Variants in NYAP2 observed in about 807,000 individuals in gnomAD.
The protein encoded by NYAP2 is neuronal tyrosine-phosphorylated phosphoinositide-3-kinase adapter 2.
In NYAP2, 23 loss-of-function variants were observed where a neutral mutation model predicts 50.4. That is an observed-to-expected ratio of 0.46 (90% CI 0.33 to 0.65). The LOEUF (loss-of-function observed/expected upper bound fraction) is 0.65. Ranked by LOEUF, NYAP2 falls within the 30% of genes least tolerant of loss-of-function variation. The pLI is 0.02. For missense variants in NYAP2, 885 were observed against 861.0 expected (o/e 1.03, Z -0.35); for synonymous variants, 394 against 365.2 (o/e 1.08, Z -0.90).
intron 4 of NYAP2, among the ~76,000 whole-genome samples, chr2:225,539,970 C>T (rs1175575861): frequency 6.6e-6 from 1 of 152,294 alleles, no homozygotes; most frequent in Admixed American, 6.5e-5. Flanking sequence ...TTCCACATAT[C>T]TCTAGGGCAG....
At chr2:225,429,316 A>G in intron 3 of NYAP2, among the ~76,000 whole-genome samples, 1 of 152,352 alleles carries the variant, frequency 6.6e-6, no homozygotes, top group Middle Eastern at 3.4e-3. Context: ...TGCATGTTGC[A>G]TAGTGATACT....
intron 3 of NYAP2, among the ~76,000 whole-genome samples, chr2:225,494,830 G>A (rs1690473390): frequency 6.6e-6 from 1 of 152,150 alleles, no homozygotes; most frequent in Admixed American, 6.5e-5. Context: ...CAATACAGCT[G>A]CATTTTCACC....
chr2:225,621,112 C>CAAAA (rs35570419), intron 5 of NYAP2, among the ~76,000 whole-genome samples: 1 of 98,486 alleles, frequency 1.0e-5, no homozygotes, highest in Non-Finnish European at 2.1e-5. Flanking sequence ...GACTCCGTCT[C>CAAAA]AAAAAAAAAA....
the NYAP2 span, among the ~76,000 whole-genome samples, chr2:225,660,441 A>ATT: frequency 0.35 from 46,348 of 133,864 alleles, 8,736 homozygotes; most frequent in South Asian, 0.46. Context: ...CACAGGATAC[A>ATT]TTTTTTTTTT....
intron 5 of NYAP2, among the ~76,000 whole-genome samples, chr2:225,620,401 ACGCG>A: frequency 6.6e-6 from 1 of 151,340 alleles, no homozygotes; most frequent in Non-Finnish European, 1.5e-5. Flanking sequence ...GCACGCACAC[ACGCG>A]CACGCACACA....
At chr2:225,635,555 G>C (rs1482381748) in intron 6 of NYAP2, among the ~76,000 whole-genome samples, 1 of 152,144 alleles carries the variant, frequency 6.6e-6, no homozygotes. Context: ...AAGACTAGAT[G>C]TTTTCTTTTG....
At chr2:225,504,673 G>T (rs1403231417) in intron 3 of NYAP2, among the ~76,000 whole-genome samples, 3 of 152,090 alleles carry the variant, frequency 2.0e-5, no homozygotes, top group Non-Finnish European at 2.9e-5. Flanking sequence ...TGGCAGAGGT[G>T]AAATCTCCTA....
chr2:225,606,890 C>T (rs1162067631), intron 5 of NYAP2, among the ~76,000 whole-genome samples: 1 of 151,994 alleles, frequency 6.6e-6, no homozygotes, highest in Non-Finnish European at 1.5e-5. Context: ...TTCTGTATTT[C>T]GGCTGTCTGA....
At chr2:225,539,450 A>T (rs1440362882) in intron 4 of NYAP2, among the ~76,000 whole-genome samples, 1 of 152,202 alleles carries the variant, frequency 6.6e-6, no homozygotes, top group Non-Finnish European at 1.5e-5. Context: ...GAACTAATTT[A>T]TACTCCCATT....
chr2:225,685,020 T>G, the NYAP2 span, among the ~76,000 whole-genome samples: 1 of 152,338 alleles, frequency 6.6e-6, no homozygotes, highest in Admixed American at 6.5e-5. Flanking sequence ...ATGTTTCTCC[T>G]TTTATAATGT....
At chr2:225,475,257 A>G (rs1690083678) in intron 3 of NYAP2, among the ~76,000 whole-genome samples, 1 of 151,604 alleles carries the variant, frequency 6.6e-6, no homozygotes. Context: ...CTTCCTGGCC[A>G]AGTTCTACAC....
rs112346839 is a variant in NYAP2 at position 225,562,683 on chromosome 2, G to T, written c.524-19258G>T. On this transcript the variant is annotated intron_variant, in intron 4 of 6. Coordinates refer to ENST00000636099, the Ensembl canonical transcript of NYAP2. ...GCTGCACTATTCCCAATTACCTCATGCACTTGTTCTGTATAGTTTGTACCT... is the reference window on the plus strand; with the variant it reads ...GCTGCACTATTCCCAATTACCTCATTCACTTGTTCTGTATAGTTTGTACCT... 4.0e-3 allele frequency among the ~76,000 whole-genome samples: 606 copies of T among 152,234 alleles called. 3 individuals are homozygous for T. Among genetic ancestry groups the T allele is most frequent in the Non-Finnish European group, 7.1e-3 (485 of 68,012 alleles).
Position 225,582,781 on chromosome 2 carries a change from C to T in NYAP2, c.1364C>T (p.Pro455Leu), listed in dbSNP as rs1240955186. 6.2e-7 allele frequency: 1 copy of T among 1,613,936 alleles called. No homozygotes were observed. Among genetic ancestry groups the T allele is most frequent in the Non-Finnish European group, 8.5e-7 (1 of 1,179,890 alleles). The change falls in exon 5 of 7, where the codon CCC becomes CTC. Residue 455 changes from proline (P) to leucine (L), a missense_variant. Pro to Leu is a moderately conservative substitution (Grantham distance 98, BLOSUM62 -3). Coordinates refer to ENST00000636099, the Ensembl canonical transcript of NYAP2. The surrounding 1 kb of genome is among the most constrained non-coding windows in gnomAD (Gnocchi z 7.0). The stretch of plus-strand genomic sequence containing the variant: ...ACTCCCCTGAGCCTCAAAAGGCCTC[C>T]CCCTTACGACGCTGTGCATTCGGGC...
intron 3 of NYAP2, among the ~76,000 whole-genome samples, chr2:225,424,707 T>C (rs992141249): frequency 1.3e-5 from 2 of 152,120 alleles, no homozygotes; most frequent in African/African-American, 4.8e-5. Context: ...TTTATTCTAT[T>C]GTCTTCTGCT....
intron 4 of NYAP2, among the ~76,000 whole-genome samples, chr2:225,568,783 A>G (rs1254234701): frequency 2.0e-5 from 3 of 152,240 alleles, no homozygotes; most frequent in Non-Finnish European, 4.4e-5. Flanking sequence ...TTGGATGTGC[A>G]TAGAAGACTT....
At chr2:225,415,910 ATCTAGAATTAAACTCAAAT>A (rs1424774120) in intron 3 of NYAP2, among the ~76,000 whole-genome samples, 1 of 151,970 alleles carries the variant, frequency 6.6e-6, no homozygotes, top group African/African-American at 2.4e-5. Flanking sequence ...CCATCCTCCT[ATCTAGAATTAAACTCAAAT>A]CTGCAGCATG....
At chr2:225,514,699 A>G (rs1322436975) in intron 4 of NYAP2, among the ~76,000 whole-genome samples, 1 of 152,142 alleles carries the variant, frequency 6.6e-6, no homozygotes, top group Non-Finnish European at 1.5e-5. Context: ...AGCTCATTGC[A>G]CAGGCACATT....
At chr2:225,600,493 T>C (rs1692674635) in intron 5 of NYAP2, among the ~76,000 whole-genome samples, 2 of 152,212 alleles carry the variant, frequency 1.3e-5, no homozygotes, top group African/African-American at 4.8e-5. Context: ...AGGGCTGTTA[T>C]CATCTTTGTT....
At chr2:225,513,828 T>C (rs946145178) in intron 4 of NYAP2, among the ~76,000 whole-genome samples, 156 bp downstream of exon 4, 22 of 152,252 alleles carry the variant, frequency 1.4e-4, no homozygotes, top group African/African-American at 4.6e-4. Context: ...AGGTTATTTA[T>C]TGATGTGTTG....
Sources: allele counts gnomAD v4.1 joint callset (sites outside exome capture counted in the v4.1 genomes callset), GRCh38; gene constraint gnomAD v4.1.1; non-coding constraint Gnocchi (gnomAD v3.1); transcripts MANE v1.5; gene names NCBI Gene and HGNC (gene_info 2026-07-23, HGNC 2026-07-21).